Variants in MEOX1 observed in about 807,000 individuals in gnomAD.
MEOX1 encodes the protein homeobox protein MOX-1.
In MEOX1, 17 loss-of-function variants were observed where a neutral mutation model predicts 23.2. That is an observed-to-expected ratio of 0.73 (90% CI 0.50 to 1.10). The LOEUF (loss-of-function observed/expected upper bound fraction) is 1.10. Ranked by LOEUF, MEOX1 falls within the 50% of genes least tolerant of loss-of-function variation. The probability of loss-of-function intolerance (pLI) is 0.00; values close to 1 mark genes in which losing one functional copy is unlikely to be tolerated. For synonymous variants in MEOX1, 134 were observed against 135.1 expected (o/e 0.99, Z 0.06); for missense variants, 333 against 332.2 (o/e 1.00, Z -0.02).
intron 1 of MEOX1, among the ~76,000 whole-genome samples, chr17:43,656,994 C>CTT (rs1491143225): frequency 1.4e-5 from 2 of 137,976 alleles, no homozygotes; most frequent in African/African-American, 6.6e-5. Flanking sequence ...TTCTTTCTTT[C>CTT]TTTTTCTTTC....
intron 2 of MEOX1, 77 bp from the exon 3 acceptor site, chr17:43,642,109 C>A: frequency 1.3e-6 from 2 of 1,489,494 alleles, no homozygotes; most frequent in South Asian, 2.6e-5. Context: ...TTAGGCTAGC[C>A]AGGGTGTAAC....
intron 1 of MEOX1, among the ~76,000 whole-genome samples, chr17:43,653,067 C>T (rs577763045): frequency 2.0e-5 from 3 of 151,332 alleles, no homozygotes; most frequent in East Asian, 1.9e-4. Context: ...CTTCTGACAT[C>T]GTGATTCACC....
chr17:43,650,762 A>C (rs1972898849), intron 1 of MEOX1, among the ~76,000 whole-genome samples: 1 of 152,196 alleles, frequency 6.6e-6, no homozygotes, highest in South Asian at 2.1e-4. Flanking sequence ...TTTCAGCCTC[A>C]GAAGGAGGGG....
chr17:43,658,807 G>A (rs887202688), intron 1 of MEOX1, among the ~76,000 whole-genome samples: 2 of 152,112 alleles, frequency 1.3e-5, no homozygotes, highest in Admixed American at 6.5e-5. Context: ...CAAGCATTGC[G>A]GCAATAAAGA....
chr17:43,658,419 A>G (rs1973079524), intron 1 of MEOX1, among the ~76,000 whole-genome samples: 1 of 151,230 alleles, frequency 6.6e-6, no homozygotes, highest in Non-Finnish European at 1.5e-5. Context: ...AGACAGGAGA[A>G]TTGCTTGAAC....
chr17:43,659,805 T>G (rs1185342827), intron 1 of MEOX1, among the ~76,000 whole-genome samples: 1 of 152,214 alleles, frequency 6.6e-6, no homozygotes, highest in African/African-American at 2.4e-5. Flanking sequence ...CATGGCACCT[T>G]AAGCCTCCCC....
intron 1 of MEOX1, among the ~76,000 whole-genome samples, chr17:43,652,702 C>T (rs771905897): frequency 9.2e-5 from 14 of 152,128 alleles, no homozygotes; most frequent in African/African-American, 3.4e-4. Flanking sequence ...ATTACTGTAC[C>T]GTGGCCCAGC....
intron 1 of MEOX1, among the ~76,000 whole-genome samples, chr17:43,649,715 G>A (rs1041665357): frequency 6.6e-6 from 1 of 152,190 alleles, no homozygotes; most frequent in African/African-American, 2.4e-5. Context: ...CTTGGGGGCC[G>A]CAGATGCCTC....
At chr17:43,643,394 G>C in intron 2 of MEOX1, 94 bp downstream of exon 2, 9 of 1,201,646 alleles carry the variant, frequency 7.5e-6, no homozygotes, top group Non-Finnish European at 1.0e-5. Flanking sequence ...GCTGGAGGAA[G>C]AAAAAGGAGA....
chr17:43,642,255 G>A (rs542086210), intron 2 of MEOX1, among the ~76,000 whole-genome samples: 15 of 152,270 alleles, frequency 9.9e-5, no homozygotes, highest in Admixed American at 9.2e-4. Flanking sequence ...CCCAGACGGG[G>A]GAACATGTTC....
intron 1 of MEOX1, among the ~76,000 whole-genome samples, chr17:43,659,426 A>T (rs566125848): frequency 6.6e-6 from 1 of 152,244 alleles, no homozygotes; most frequent in East Asian, 1.9e-4. Flanking sequence ...CCTATCTCCC[A>T]TTGAAGAAGG....
Position 43,661,212 on chromosome 17 carries a change from C to A in MEOX1, c.323G>T (p.Gly108Val). The A allele has an allele frequency of 6.2e-7, 1 of 1,608,866 alleles. No individual in the cohort carries two copies. Among genetic ancestry groups the A allele is most frequent in the Non-Finnish European group, 8.5e-7 (1 of 1,177,364 alleles). Residue 108 changes from glycine (G) to valine (V), a missense_variant, in exon 1 of 3, where the codon GGC becomes GTC. Physicochemically the swap from Gly to Val is moderately radical, Grantham distance 109 (BLOSUM62 -3). Transcript: ENST00000318579. Reference sequence around the variant, plus strand: ...CATTTCCTTGGAACCCCCTGCCGGGCCTGAGTTGGGCCTGCGCCGGGCGTC... The same window carrying A: ...CATTTCCTTGGAACCCCCTGCCGGGACTGAGTTGGGCCTGCGCCGGGCGTC... ...VSDARRRPNS[G>V]PAGGSKEMGT...
At chr17:43,642,998 G>C (rs550584640) in intron 2 of MEOX1, among the ~76,000 whole-genome samples, 2 of 152,288 alleles carry the variant, frequency 1.3e-5, no homozygotes, top group East Asian at 3.9e-4. Context: ...GTGGAGCCCA[G>C]ACATCAGCAC....
chr17:43,652,750 A>T (rs1972939638), intron 1 of MEOX1, among the ~76,000 whole-genome samples: 3 of 148,876 alleles, frequency 2.0e-5, no homozygotes, highest in Admixed American at 1.3e-4. Context: ...CTTGTATGGG[A>T]CTTGGCATCA....
rs139947777 is a variant in MEOX1 at position 43,643,625 on chromosome 17, T to C, written c.505A>G (p.Ser169Gly). Residue 169 changes from serine to glycine, a missense_variant, in exon 2 of 3, where the codon AGC (serine) becomes GGC (glycine). Ser to Gly is a moderately conservative substitution (Grantham distance 56). Transcript: ENST00000318579. ...QENRGKPEGS[S>G]KARKERTAFT... ...GCCGTCCTCTCCTTGCGGGCTTTGCTGCTGCCCTCCGGCTTCCCTCTGTTC... is the reference window on the plus strand; with the variant it reads ...GCCGTCCTCTCCTTGCGGGCTTTGCCGCTGCCCTCCGGCTTCCCTCTGTTC... 17 of 1,613,466 alleles carry C rather than the reference T, an allele frequency of 1.1e-5. No homozygotes were observed. The African/African-American group carries it at 1.9e-4, about 18-fold the overall frequency.
intron 1 of MEOX1, among the ~76,000 whole-genome samples, chr17:43,654,626 A>C (rs1375515821): frequency 6.6e-6 from 1 of 152,180 alleles, no homozygotes; most frequent in East Asian, 1.9e-4. Flanking sequence ...TTCAAGACCA[A>C]TCTGGCCAAC....
chr17:43,656,721 A>C (rs1034719829), intron 1 of MEOX1, among the ~76,000 whole-genome samples: 2 of 152,162 alleles, frequency 1.3e-5, no homozygotes, highest in Non-Finnish European at 2.9e-5. Flanking sequence ...CACTCTAATC[A>C]CACGCAACCT....
rs116933525 is a variant in MEOX1 at position 43,651,611 on chromosome 17, T to C, written c.470-7951A>G. ...CCTGGCCAGAGGCCAGGGAGCCAAA[T>C]TGGGTGAGAAGCCCAAGTTATGGGC... On this transcript the variant is annotated intron_variant, in intron 1 of 2. Coordinates refer to ENST00000318579, the MANE Select transcript of MEOX1 (RefSeq NM_004527.4). Among the ~76,000 whole-genome samples the C allele has an allele frequency of 7.1e-4, 107 of 151,726 alleles. No individual in the cohort carries two copies. In the East Asian group the frequency reaches 0.016, roughly 22 times the overall value.
intron 1 of MEOX1, among the ~76,000 whole-genome samples, chr17:43,656,511 A>G (rs1204388963): frequency 2.0e-5 from 3 of 152,160 alleles, no homozygotes; most frequent in Non-Finnish European, 4.4e-5. Flanking sequence ...GGGCGGAGGC[A>G]GGCATAGAGC....
Sources: allele counts gnomAD v4.1 joint callset (sites outside exome capture counted in the v4.1 genomes callset), GRCh38; gene constraint gnomAD v4.1.1; transcripts MANE v1.5; gene names NCBI Gene and HGNC (gene_info 2026-07-23, HGNC 2026-07-21).